Variants in ZNF804B observed in about 807,000 individuals in gnomAD.
ZNF804B encodes the protein zinc finger protein 804B.
A neutral mutation model predicts 101.4 loss-of-function variants in ZNF804B; 80 were observed. The ratio of observed to expected loss-of-function variants is 0.79; its 90% CI spans 0.66 to 0.95. The LOEUF (loss-of-function observed/expected upper bound fraction) is 0.95. ZNF804B is among the 40% of genes least tolerant of loss of function. ZNF804B has a pLI of 0.00. For missense variants in ZNF804B, 1,673 were observed against 1,561.9 expected, an observed-to-expected ratio of 1.07 and a Z score of -1.20; for synonymous variants, 622 against 558.8, an observed-to-expected ratio of 1.11 and a Z score of -1.59.
chr7:88,889,332 A>G (rs1199654972), intron 1 of ZNF804B, among the ~76,000 whole-genome samples: 1 of 152,124 alleles, frequency 6.6e-6, no homozygotes, highest in Non-Finnish European at 1.5e-5. Flanking sequence ...GCTGGGTCCA[A>G]GGAACTCTAT....
chr7:89,037,796 T>G (rs1262866513), intron 1 of ZNF804B, among the ~76,000 whole-genome samples: 2 of 152,128 alleles, frequency 1.3e-5, no homozygotes, highest in Non-Finnish European at 2.9e-5. Flanking sequence ...TTTGACCAAC[T>G]CTTCCCACTT....
chr7:89,241,411 G>GAAAT (rs1453476979), intron 2 of ZNF804B, among the ~76,000 whole-genome samples: 3 of 151,974 alleles, frequency 2.0e-5, no homozygotes, highest in African/African-American at 7.2e-5. Context: ...CTGGCCCCCT[G>GAAAT]AAATACACTA....
chr7:89,186,199 G>T lies in ZNF804B; in HGVS notation c.109-31956G>T, dbSNP rs1031545051. Among the ~76,000 whole-genome samples, 15 of 151,958 alleles carry T rather than the reference G, an allele frequency of 9.9e-5. No homozygotes were observed. The East Asian group carries it at 2.7e-3, about 27-fold the overall frequency. On this transcript the variant is annotated intron_variant, in intron 1 of 3. Coordinates refer to ENST00000333190, the MANE Select transcript of ZNF804B (RefSeq NM_181646.5). ...CCATTTATGCACAAATAAAAAGAAA[G>T]TATTTATAAAACAAATTATCCCTAA...
At chr7:89,198,065 G>A (rs113855127) in intron 1 of ZNF804B, among the ~76,000 whole-genome samples, 192 of 151,888 alleles carry the variant, frequency 1.3e-3, no homozygotes, top group African/African-American at 4.3e-3. Flanking sequence ...AATAGGATTA[G>A]CAAACAAACG....
intron 1 of ZNF804B, among the ~76,000 whole-genome samples, chr7:89,132,412 A>G (rs1790567174): frequency 1.3e-5 from 2 of 152,032 alleles, no homozygotes; most frequent in South Asian, 4.1e-4. Flanking sequence ...TTCAAGAAAG[A>G]GAAATAAAAT....
At chr7:88,807,205 G>T (rs890949460) in intron 1 of ZNF804B, among the ~76,000 whole-genome samples, 1 of 152,076 alleles carries the variant, frequency 6.6e-6, no homozygotes, top group African/African-American at 2.4e-5. Flanking sequence ...TTAGTTTCAG[G>T]CTGTGATTGC....
At chr7:89,269,867 G>C (rs961529257) in intron 2 of ZNF804B, among the ~76,000 whole-genome samples, 21 of 152,146 alleles carry the variant, frequency 1.4e-4, no homozygotes, top group African/African-American at 5.1e-4. Context: ...GTCTTCTTTT[G>C]AGAAGTGTCT....
chr7:89,196,380 A>G (rs1788552289), intron 1 of ZNF804B, among the ~76,000 whole-genome samples: 1 of 152,168 alleles, frequency 6.6e-6, no homozygotes, highest in Non-Finnish European at 1.5e-5. Flanking sequence ...CAATAGGGAA[A>G]GGACTCCTAT....
chr7:88,760,294 TTTCAA>T (rs1314817217), intron 1 of ZNF804B, among the ~76,000 whole-genome samples: 1 of 152,250 alleles, frequency 6.6e-6, no homozygotes, highest in Non-Finnish European at 1.5e-5. Context: ...ACATGTGTAT[TTTCAA>T]TTCAGTCAGT....
intron 1 of ZNF804B, among the ~76,000 whole-genome samples, chr7:88,926,411 A>G (rs1792798175): frequency 7.1e-6 from 1 of 141,546 alleles, no homozygotes; most frequent in Admixed American, 7.2e-5. Context: ...ACATGGCGAA[A>G]CCCCATGTCT....
chr7:89,107,185 A>G (rs1790148155), intron 1 of ZNF804B, among the ~76,000 whole-genome samples: 1 of 152,150 alleles, frequency 6.6e-6, no homozygotes, highest in South Asian at 2.1e-4. Flanking sequence ...ATAAAGTTTT[A>G]GATTATAATA....
chr7:88,953,291 G>A (rs1793252851), intron 1 of ZNF804B, among the ~76,000 whole-genome samples: 1 of 151,624 alleles, frequency 6.6e-6, no homozygotes, highest in Admixed American at 6.6e-5. Flanking sequence ...TCCTTGTTCA[G>A]AGATCTTAGG....
chr7:89,005,698 A>C (rs1218281559), intron 1 of ZNF804B, among the ~76,000 whole-genome samples: 1 of 152,088 alleles, frequency 6.6e-6, no homozygotes, highest in Non-Finnish European at 1.5e-5. Flanking sequence ...AGTTATAGCA[A>C]ATAGCTCAGT....
At chr7:88,774,815 C>T (rs1297016426) in intron 1 of ZNF804B, among the ~76,000 whole-genome samples, 2 of 152,076 alleles carry the variant, frequency 1.3e-5, no homozygotes, top group Admixed American at 1.3e-4. Context: ...AAGGAAGCTC[C>T]TAATAGAAAA....
chr7:89,150,063 C>T (rs1320165573), intron 1 of ZNF804B, among the ~76,000 whole-genome samples: 1 of 151,948 alleles, frequency 6.6e-6, no homozygotes, highest in Non-Finnish European at 1.5e-5. Flanking sequence ...ATAAACAATT[C>T]ATGTTTTAAA....
At chr7:89,160,893 G>A (rs114895326) in intron 1 of ZNF804B, among the ~76,000 whole-genome samples, 5,000 of 152,240 alleles carry the variant, frequency 0.033, 159 homozygotes, top group South Asian at 0.082. Flanking sequence ...GAATTAACAA[G>A]CTGAAATTCA....
intron 1 of ZNF804B, among the ~76,000 whole-genome samples, chr7:89,103,862 G>A (rs1790096287): frequency 6.6e-6 from 1 of 151,964 alleles, no homozygotes; most frequent in Non-Finnish European, 1.5e-5. Flanking sequence ...CATTGGTTAT[G>A]GGTTTGAAAT....
intron 1 of ZNF804B, among the ~76,000 whole-genome samples, chr7:89,111,188 T>C (rs1250847692): frequency 6.6e-6 from 1 of 152,190 alleles, no homozygotes. Flanking sequence ...GCTATAAACA[T>C]TTGTGTGAAG....
chr7:89,111,807 T>A (rs1790222138), intron 1 of ZNF804B, among the ~76,000 whole-genome samples: 1 of 152,184 alleles, frequency 6.6e-6, no homozygotes, highest in Admixed American at 6.5e-5. Context: ...GTGAATATAT[T>A]TAATGCTATA....
Sources: allele counts gnomAD v4.1 joint callset (sites outside exome capture counted in the v4.1 genomes callset), GRCh38; gene constraint gnomAD v4.1.1; transcripts MANE v1.5; gene names NCBI Gene and HGNC (gene_info 2026-07-23, HGNC 2026-07-21).